TRIP10: variants seen among roughly 807,000 people sequenced by gnomAD.
TRIP10 encodes the protein thyroid hormone receptor interactor 10.
Under a neutral mutation model 80.9 loss-of-function variants are expected in TRIP10, and 54 were observed. The ratio of observed to expected loss-of-function variants is 0.67; its 90% confidence interval spans 0.54 to 0.84. The LOEUF is 0.84. Ranked by LOEUF, TRIP10 falls within the 40% of genes least tolerant of loss-of-function variation. The pLI is 0.00. For missense variants in TRIP10, 773 were observed against 815.3 expected (o/e 0.95, Z 0.63); for synonymous variants, 321 against 307.2 (o/e 1.04, Z -0.47).
Position 6,742,949 on chromosome 19 carries a change from A to T in TRIP10, c.198-18A>T. 6.2e-7 allele frequency: 1 copy of T among 1,613,174 alleles called. No homozygotes were observed. Among genetic ancestry groups the T allele is most frequent in the Non-Finnish European group, 8.5e-7 (1 of 1,179,654 alleles). ...GAGGGGCCTGACTCCCTGTTCCCCG[A>T]TTCTCATCCAACCCCAGATTCAGCC... On this transcript the variant is annotated intron_variant, in intron 3 of 14. Transcript: ENST00000313244.
Position 6,744,834 on chromosome 19 carries a change from GT to G in TRIP10, c.828del (p.Phe276LeufsTer16). The G allele has an allele frequency of 6.2e-7, 1 of 1,614,198 alleles. No homozygotes were observed. Among genetic ancestry groups the G allele is most frequent in the South Asian group, 1.1e-5 (1 of 91,080 alleles). On this transcript the variant is annotated frameshift_variant, in exon 9 of 15. Transcript: ENST00000313244. LOFTEE classifies it high-confidence loss of function. The surrounding 1 kb of genome is among the most constrained non-coding windows in gnomAD (Gnocchi z 4.9). The stretch of plus-strand genomic sequence containing the variant: ...GTCCTTATAGAGCTGCACAAGTCAG[GT>G]TTTGCCCGCCCGGGCGACGTGGAAT... ...SHVLIELHKS[G>X]FARPGDVEFE...
At position 6,746,083 on chromosome 19, in the gene TRIP10, A is replaced by G. The variant is rs977156694; in HGVS notation, c.1039A>G (p.Asn347Asp). The stretch of plus-strand genomic sequence containing the variant: ...GGGCCCCGTACCCTCGGCATTGCCT[A>G]ACGGACCCCCGTCCCCCCGCTCCGG... ...LGGPVPSALP[N>D]GPPSPRSGRD... Residue 347 changes from asparagine to aspartate, a missense_variant, in exon 10 of 15, where the codon AAC (asparagine) becomes GAC (aspartate). Physicochemically the swap from Asn to Asp is conservative, Grantham distance 23. Transcript: ENST00000313244. The surrounding 1 kb of genome is among the most constrained non-coding windows in gnomAD (Gnocchi z 6.2). 57 of 1,430,976 alleles carry G rather than the reference A, an allele frequency of 4.0e-5. No individual in the cohort carries two copies. The highest frequency in any genetic ancestry group is 3.2e-5 in the African/African-American group (2 of 62,686). 88.6% of individuals were successfully genotyped at this position (1,430,976 alleles called of 1,614,324 possible). A position where few individuals can be genotyped will look rare whatever the true frequency, so the allele number is the denominator to read the frequency against.
At chr19:6,750,660 G>T (rs747430587) in intron 14 of TRIP10, 27 bp downstream of exon 14, 30 of 1,612,376 alleles carry the variant, frequency 1.9e-5, no homozygotes, top group Non-Finnish European at 2.5e-5. Context: ...TGGGCTTGGC[G>T]GGGTATGGGA....
chr19:6,742,095 TA>T (rs71177116), intron 3 of TRIP10, among the ~76,000 whole-genome samples: 2 of 148,424 alleles, frequency 1.3e-5, no homozygotes, highest in African/African-American at 2.5e-5. Context: ...ATTGTAAAAT[TA>T]AAAAAAAAAA....
At position 6,750,305 on chromosome 19, in the gene TRIP10, A is replaced by G; in HGVS notation, c.1409A>G (p.Glu470Gly). 6.2e-7 allele frequency: 1 copy of G among 1,614,038 alleles called. No homozygotes were observed. Among genetic ancestry groups the G allele is most frequent in the Non-Finnish European group, 8.5e-7 (1 of 1,179,996 alleles). Residue 470 changes from glutamate to glycine, a missense_variant, in exon 13 of 15, where the codon GAA (glutamate) becomes GGA (glycine). Physicochemically the swap from Glu to Gly is moderately conservative, Grantham distance 98. Transcript: ENST00000313244. ...EVQKYEAWLA[E>G]AESRVLSNRG... ...CCCTCCTCCCAGGCGTGGCTGGCAG[A>G]AGCTGAAAGTCGAGTCCTTAGCAAC... is the stretch of plus-strand genomic sequence containing the variant.
At position 6,750,343 on chromosome 19, in the gene TRIP10, C is replaced by T. The variant is rs1298246375; in HGVS notation, c.1447C>T (p.Leu483=). The T allele has an allele frequency of 1.2e-6, 2 of 1,614,086 alleles. No homozygotes were observed. Among genetic ancestry groups the T allele is most frequent in the Non-Finnish European group, 1.7e-6 (2 of 1,180,002 alleles). Residue 483 remains leucine, a synonymous_variant, in exon 13 of 15, where the codon CTG becomes TTG. Coordinates refer to ENST00000313244, the MANE Select transcript of TRIP10 (RefSeq NM_001288962.2). The stretch of plus-strand genomic sequence containing the variant: ...AGTCCTTAGCAACCGGGGAGACAGC[C>T]TGAGCCGGCACGCCCGGCCTCCCGA... ...SRVLSNRGDS[L]SRHARPPDPP... is the part of the protein sequence containing the mutation.
Position 6,744,518 on chromosome 19 carries a change from A to G in TRIP10, c.643-36A>G. On this transcript the variant is annotated intron_variant, in intron 7 of 14. Coordinates refer to ENST00000313244, the MANE Select transcript of TRIP10 (RefSeq NM_001288962.2). The surrounding 1 kb of genome is among the most constrained non-coding windows in gnomAD (Gnocchi z 4.9). The stretch of plus-strand genomic sequence containing the variant: ...TCACTGTGCTTCTAGTCCCTCTGTT[A>G]GCACCCCTGAGCCACCCTTGTCCCT... The G allele has an allele frequency of 6.2e-7, 1 of 1,612,906 alleles. No homozygotes were observed. Among genetic ancestry groups the G allele is most frequent in the Non-Finnish European group, 8.5e-7 (1 of 1,179,944 alleles).
chr19:6,745,213 G>GGC lies in TRIP10; in HGVS notation c.984+221_984+222dup, dbSNP rs1969079620. Reference sequence around the variant, plus strand: ...AGGGTGGGGAGGTGGGGAGGTCCGTGGCGTTTGTCTGCTGCTTCTCGGGAT... The same window carrying GGC: ...AGGGTGGGGAGGTGGGGAGGTCCGTGGCGCGTTTGTCTGCTGCTTCTCGGGAT... On this transcript the variant is annotated intron_variant, in intron 9 of 14. Coordinates refer to ENST00000313244, the MANE Select transcript of TRIP10 (RefSeq NM_001288962.2). The surrounding 1 kb of genome is among the most constrained non-coding windows in gnomAD (Gnocchi z 7.2). The GGC allele has an allele frequency of 6.4e-6, 4 of 622,952 alleles. No homozygotes were observed. Among genetic ancestry groups the GGC allele is most frequent in the Non-Finnish European group, 1.1e-5 (4 of 375,106 alleles). 38.6% of individuals were successfully genotyped at this position (622,952 alleles called of 1,614,324 possible).
At chr19:6,751,020 T>G in intron 14 of TRIP10, 43 bp from the exon 15 acceptor site, 1 of 1,414,550 alleles carries the variant, frequency 7.1e-7, no homozygotes, top group Non-Finnish European at 9.2e-7. Context: ...AATAATAAAT[T>G]TTGCCTAAAG....
At chr19:6,750,974 C>T (rs1300744182) in intron 14 of TRIP10, 89 bp from the exon 15 acceptor site, 38 of 1,420,654 alleles carry the variant, frequency 2.7e-5, no homozygotes, top group South Asian at 3.2e-5. Flanking sequence ...CCAGCCTGGG[C>T]GAGAGCGAGG....
rs1244547203 is a variant in TRIP10, at chr19:6,744,328, C to A, written c.643-226C>A. 3.3e-5 allele frequency among the ~76,000 whole-genome samples: 5 copies of A among 152,162 alleles called. No homozygotes were observed. The highest frequency in any genetic ancestry group is 2.9e-5 in the Non-Finnish European group (2 of 68,038). ...TTCCCTTGTCTCCTCCTTTGAGAAG[C>A]CTTTGCTGACCCCCTAGGCACGCGT... On this transcript the variant is annotated intron_variant, in intron 7 of 14. Transcript: ENST00000313244. The surrounding 1 kb of genome is among the most constrained non-coding windows in gnomAD (Gnocchi z 4.9).
Position 6,744,791 on chromosome 19 carries a change from C to G in TRIP10, c.790-9C>G. 2 of 1,609,670 alleles carry G rather than the reference C, an allele frequency of 1.2e-6. No individual in the cohort carries two copies. Among genetic ancestry groups the G allele is most frequent in the Non-Finnish European group, 1.7e-6 (2 of 1,177,430 alleles). ...ACTCGACTGCTCATCCACTGTCCCC[C>G]TCCCCCAGGACTCCCACGTCCTTAT... On this transcript the variant is annotated splice_polypyrimidine_tract_variant and intron_variant, in intron 8 of 14. Transcript: ENST00000313244. The surrounding 1 kb of genome is among the most constrained non-coding windows in gnomAD (Gnocchi z 4.9).
In TRIP10 at chr19:6,744,732, G is replaced by C; in HGVS notation, c.789+32G>C. The C allele has an allele frequency of 1.3e-6, 2 of 1,591,326 alleles. No homozygotes were observed. Among genetic ancestry groups the C allele is most frequent in the South Asian group, 2.3e-5 (2 of 86,986 alleles). ...GCCTGGTCTGGGTCCACTGGGCTAC[G>C]GGAAGGGCAGAGGGAGGTACCCATA... On this transcript the variant is annotated intron_variant, in intron 8 of 14. Transcript: ENST00000313244. This position sits in a 1 kb window ranked among gnomAD's most constrained non-coding sequence, Gnocchi z 4.9.
Position 6,744,541 on chromosome 19 carries a change from C to T in TRIP10, c.643-13C>T. ...TTAGCACCCCTGAGCCACCCTTGTC[C>T]CTGTCCTTACAGAAGCTCCAAGACA... is the stretch of plus-strand genomic sequence containing the variant. On this transcript the variant is annotated splice_polypyrimidine_tract_variant and intron_variant, in intron 7 of 14. Transcript: ENST00000313244. The surrounding 1 kb of genome is among the most constrained non-coding windows in gnomAD (Gnocchi z 4.9). The T allele has an allele frequency of 6.2e-7, 1 of 1,613,954 alleles. No homozygotes were observed. Among genetic ancestry groups the T allele is most frequent in the Non-Finnish European group, 8.5e-7 (1 of 1,180,038 alleles).
At position 6,739,719 on chromosome 19, in the gene TRIP10, G is replaced by GGGGGGGGGGGGGGGGGGGGGGGGGGGGGC; in HGVS notation, c.-43_-42insGGGGGGGGGGGGGGGGGGGGGGGGGGGGC. ...AGGGCGGCGGGCGGCGGGCGGCGGGGACCGGGTGCGGTGGTGGCTGCGGCG... is the reference window on the plus strand; with the variant it reads ...AGGGCGGCGGGCGGCGGGCGGCGGGGGGGGGGGGGGGGGGGGGGGGGGGGGGGGCACCGGGTGCGGTGGTGGCTGCGGCG... On this transcript the variant is annotated 5_prime_UTR_variant, in exon 1 of 15. Coordinates refer to ENST00000313244, the MANE Select transcript of TRIP10 (RefSeq NM_001288962.2). The GGGGGGGGGGGGGGGGGGGGGGGGGGGGGC allele has an allele frequency of 7.8e-7, 1 of 1,280,518 alleles. No individual in the cohort carries two copies. The highest frequency in any genetic ancestry group is 9.9e-7 in the Non-Finnish European group (1 of 1,005,420). The allele number at this position is 1,280,518 out of a possible 1,614,324, so 79.3% of individuals were successfully genotyped here. A position where few individuals can be genotyped will look rare whatever the true frequency, so the allele number is the denominator to read the frequency against.
At position 6,745,143 on chromosome 19, in the gene TRIP10, A is replaced by G. The variant is rs2145542891; in HGVS notation, c.984+149A>G. 8.8e-7 allele frequency: 1 copy of G among 1,140,082 alleles called. No individual in the cohort carries two copies. The highest frequency in any genetic ancestry group is 1.2e-6 in the Non-Finnish European group (1 of 852,104). 70.6% of individuals were successfully genotyped at this position (1,140,082 alleles called of 1,614,324 possible). A position where few individuals can be genotyped will look rare whatever the true frequency, so the allele number is the denominator to read the frequency against. On this transcript the variant is annotated intron_variant, in intron 9 of 14. Coordinates refer to ENST00000313244, the MANE Select transcript of TRIP10 (RefSeq NM_001288962.2). This position sits in a 1 kb window ranked among gnomAD's most constrained non-coding sequence, Gnocchi z 7.2. ...TGCCAGCCCGGACTGGAGGGAAGGAAGGCGGCCGATTGGCCTGGGAGTCCC... is the reference window on the plus strand; with the variant it reads ...TGCCAGCCCGGACTGGAGGGAAGGAGGGCGGCCGATTGGCCTGGGAGTCCC...
In TRIP10 at chr19:6,746,710, T is replaced by A; in HGVS notation, c.1262+149T>A. 1 of 429,900 alleles carries A rather than the reference T, an allele frequency of 2.3e-6. No individual in the cohort carries two copies. The highest frequency in any genetic ancestry group is 3.6e-6 in the Non-Finnish European group (1 of 281,512). The allele number at this position is 429,900 out of a possible 1,614,324, so 26.6% of individuals were successfully genotyped here. A position where few individuals can be genotyped will look rare whatever the true frequency, so the allele number is the denominator to read the frequency against. On this transcript the variant is annotated intron_variant, in intron 11 of 14. Transcript: ENST00000313244. This position sits in a 1 kb window ranked among gnomAD's most constrained non-coding sequence, Gnocchi z 6.2. ...GTCTGTCGTCCAGGCTGGAGTGCAG[T>A]GCTGTGATCTTAGCTCACTGCAATC...
intron 3 of TRIP10, among the ~76,000 whole-genome samples, chr19:6,742,596 G>A (rs1968951992): frequency 6.6e-6 from 1 of 151,878 alleles, no homozygotes; most frequent in Non-Finnish European, 1.5e-5. Flanking sequence ...GGAGTTCGGG[G>A]GGATTGGAGT....
At position 6,744,010 on chromosome 19, in the gene TRIP10, A is replaced by C. The variant is rs963910766; in HGVS notation, c.642+174A>C. On this transcript the variant is annotated intron_variant, in intron 7 of 14. Transcript: ENST00000313244. This position sits in a 1 kb window ranked among gnomAD's most constrained non-coding sequence, Gnocchi z 4.9. ...TAGTCAGCTGTTCTTCCTGCTGGGC[A>C]TGCCTTTTACTTGTTTGTTTATTTA... 1.1e-4 allele frequency: 96 copies of C among 890,014 alleles called. 1 individual carries two copies. In the African/African-American group the frequency reaches 1.5e-3, roughly 14 times the overall value. The allele number at this position is 890,014 out of a possible 1,614,324, so 55.1% of individuals were successfully genotyped here. A position where few individuals can be genotyped will look rare whatever the true frequency, so the allele number is the denominator to read the frequency against.
Sources: allele counts gnomAD v4.1 joint callset (sites outside exome capture counted in the v4.1 genomes callset), GRCh38; gene constraint gnomAD v4.1.1; non-coding constraint Gnocchi (gnomAD v3.1); transcripts MANE v1.5; gene names NCBI Gene and HGNC (gene_info 2026-07-23, HGNC 2026-07-21).